PDE1C: variants seen among roughly 807,000 people sequenced by gnomAD.
PDE1C encodes phosphodiesterase 1C.
In PDE1C, 62 loss-of-function variants were observed where a neutral mutation model predicts 93.1. The observed-to-expected ratio is 0.67, with a 90% CI of 0.54 to 0.82. PDE1C has a LOEUF of 0.82. Ranked by LOEUF, PDE1C falls within the 40% of genes least tolerant of loss-of-function variation. The probability of loss-of-function intolerance (pLI) is 0.00; values close to 1 mark genes in which losing one functional copy is unlikely to be tolerated. For synonymous variants in PDE1C, 325 were observed against 310.1 expected (o/e 1.05, Z -0.50); for missense variants, 742 against 884.6 (o/e 0.84, Z 2.04).
chr7:31,860,386 T>C (rs1794548273), intron 7 of PDE1C, among the ~76,000 whole-genome samples: 1 of 152,210 alleles, frequency 6.6e-6, no homozygotes, highest in Non-Finnish European at 1.5e-5. Context: ...TGAGAAACCC[T>C]GCTCTACATC....
intron 2 of PDE1C, among the ~76,000 whole-genome samples, chr7:31,952,316 C>A (rs1807490227): frequency 6.6e-6 from 1 of 151,906 alleles, no homozygotes; most frequent in East Asian, 1.9e-4. Context: ...GTGGCGTAAT[C>A]TCGACTCACT....
chr7:31,657,230 C>T, the PDE1C span, among the ~76,000 whole-genome samples: 1 of 38,062 alleles, frequency 2.6e-5, no homozygotes, highest in African/African-American at 1.0e-4. Context: ...GCTCTGGCAA[C>T]CATTAAGGGA....
At chr7:32,194,927 A>G (rs952465319) in intron 2 of PDE1C, among the ~76,000 whole-genome samples, 3 of 151,854 alleles carry the variant, frequency 2.0e-5, no homozygotes, top group African/African-American at 7.3e-5. Flanking sequence ...ATCTCTTTGC[A>G]TCATTTTCTC....
the PDE1C span, chr7:31,707,742 G>A: frequency 2.0e-3 from 322 of 158,302 alleles, no homozygotes; most frequent in African/African-American, 7.3e-3. Flanking sequence ...CTAACTCACC[G>A]ATTGCTTTGC....
intron 3 of PDE1C, among the ~76,000 whole-genome samples, chr7:32,106,174 G>A (rs887330435): frequency 2.6e-5 from 4 of 151,916 alleles, no homozygotes; most frequent in African/African-American, 7.3e-5. Context: ...CACCATACTC[G>A]GCTAATCTTT....
At chr7:31,853,323 G>T (rs1461409452) in intron 7 of PDE1C, among the ~76,000 whole-genome samples, 1 of 152,168 alleles carries the variant, frequency 6.6e-6, no homozygotes, top group Admixed American at 6.6e-5. Flanking sequence ...CTGCTTTGGG[G>T]ATAAGAAGAA....
intron 2 of PDE1C, among the ~76,000 whole-genome samples, chr7:32,176,041 A>T (rs1408781728): frequency 6.6e-6 from 1 of 152,222 alleles, no homozygotes; most frequent in African/African-American, 2.4e-5. Context: ...TGGTTTATTC[A>T]TCAATGTGTT....
At chr7:31,635,937 AT>A in the PDE1C span, among the ~76,000 whole-genome samples, 1 of 152,050 alleles carries the variant, frequency 6.6e-6, no homozygotes, top group Non-Finnish European at 1.5e-5. Context: ...ACTTAAAATA[AT>A]TTTTTTTAAA....
At chr7:32,314,735 G>A (rs190554094) in intron 1 of PDE1C, among the ~76,000 whole-genome samples, 9 of 152,118 alleles carry the variant, frequency 5.9e-5, no homozygotes, top group East Asian at 5.8e-4. Flanking sequence ...CAGAATTACC[G>A]AGAGCACCAA....
At chr7:31,627,659 CAAAAAAAAA>C in the PDE1C span, among the ~76,000 whole-genome samples, 6 of 75,540 alleles carry the variant, frequency 7.9e-5, no homozygotes, top group Non-Finnish European at 1.2e-4. Context: ...GACACTGTCT[CAAAAAAAAA>C]AAAAAAAAAA....
chr7:32,138,924 C>T (rs1800357315), intron 3 of PDE1C, among the ~76,000 whole-genome samples: 1 of 152,112 alleles, frequency 6.6e-6, no homozygotes, highest in Non-Finnish European at 1.5e-5. Flanking sequence ...AAGTGCTGTG[C>T]AGTAAAACTT....
chr7:31,695,899 G>C, the PDE1C span: 1 of 250,106 alleles, frequency 4.0e-6, no homozygotes, highest in Non-Finnish European at 7.6e-6. Context: ...GTCATTCAGG[G>C]ACCCGGTCTC....
chr7:32,332,696 T>C (rs1258827219), intron 1 of PDE1C, among the ~76,000 whole-genome samples: 3 of 152,162 alleles, frequency 2.0e-5, no homozygotes, highest in African/African-American at 2.4e-5. Context: ...AGGAATACTA[T>C]GTAGAAATGA....
At chr7:32,173,319 C>T (rs547174578) in intron 2 of PDE1C, among the ~76,000 whole-genome samples, 47 of 152,066 alleles carry the variant, frequency 3.1e-4, no homozygotes, top group African/African-American at 1.0e-3. Context: ...AGTGAGAACA[C>T]ATGGACATAG....
rs376724403 is a variant in PDE1C, at chr7:32,040,907, A to C, written c.128+10647T>G. 8.5e-5 allele frequency among the ~76,000 whole-genome samples: 13 copies of C among 152,238 alleles called. 3 individuals carry two copies. The highest frequency in any genetic ancestry group is 6.5e-5 in the Admixed American group (1 of 15,280). ...AAAGACAGTCACCAATCCCTTGTTA[A>C]GGCTGATTCCATGCTTTAGTAAATA... On this transcript the variant is annotated intron_variant, in intron 2 of 17. Coordinates refer to ENST00000396191, the MANE Select transcript of PDE1C (RefSeq NM_001191057.4).
At chr7:31,911,666 T>C (rs1191873592) in intron 2 of PDE1C, among the ~76,000 whole-genome samples, 1 of 152,188 alleles carries the variant, frequency 6.6e-6, no homozygotes, top group Non-Finnish European at 1.5e-5. Context: ...CCATTTACTA[T>C]AAGCCAGGTG....
At chr7:31,646,319 G>A in the PDE1C span, among the ~76,000 whole-genome samples, 1 of 152,148 alleles carries the variant, frequency 6.6e-6, no homozygotes. Context: ...TGAGGTACTA[G>A]GGGTGTCCTG....
chr7:32,341,173 CT>C (rs3079623), intron 1 of PDE1C, among the ~76,000 whole-genome samples: 1,622 of 84,852 alleles, frequency 0.019, 58 homozygotes, highest in African/African-American at 0.066. Context: ...GAAATAAAGT[CT>C]TTTTTTTTTT....
chr7:31,943,262 C>G (rs1292984262), intron 2 of PDE1C, among the ~76,000 whole-genome samples: 1 of 152,148 alleles, frequency 6.6e-6, no homozygotes, highest in Non-Finnish European at 1.5e-5. Context: ...ATATGCCTAT[C>G]ACATAGGACC....
Sources: gnomAD v4.1 joint callset for allele counts (sites outside exome capture counted in the v4.1 genomes callset) on GRCh38, gnomAD v4.1.1 for gene constraint, MANE v1.5 for transcripts, NCBI Gene and HGNC (gene_info 2026-07-23, HGNC 2026-07-21) for gene names.